PTPN3: variants seen among roughly 807,000 people sequenced by gnomAD.
PTPN3 encodes the protein protein tyrosine phosphatase non-receptor type 3, also known as tyrosine-protein phosphatase non-receptor type 3.
A neutral mutation model predicts 132.7 loss-of-function variants in PTPN3; 96 were observed. That is an observed-to-expected ratio of 0.72 (90% CI 0.61 to 0.86). The LOEUF is 0.86. Among genes scored for constraint, PTPN3 ranks in the 40% least tolerant of loss-of-function variants. PTPN3 has a pLI of 0.00. For synonymous variants in PTPN3, 398 were observed against 429.0 expected (o/e 0.93, Z 0.89); for missense variants, 1,125 against 1,159.6 (o/e 0.97, Z 0.43).
At chr9:109,531,095 G>A in the PTPN3 span, among the ~76,000 whole-genome samples, 1 of 152,186 alleles carries the variant, frequency 6.6e-6, no homozygotes, top group African/African-American at 2.4e-5. Flanking sequence ...GTCTATTTTG[G>A]CTTTTGTTGC....
At chr9:109,485,233 C>T (rs1847152689) in intron 1 of PTPN3, among the ~76,000 whole-genome samples, 3 of 151,398 alleles carry the variant, frequency 2.0e-5, no homozygotes, top group Non-Finnish European at 4.4e-5. Flanking sequence ...GTCGGCCGGG[C>T]GCGGTGGCTC....
intron 1 of PTPN3, among the ~76,000 whole-genome samples, chr9:109,468,861 G>A (rs887074093): frequency 2.0e-5 from 3 of 152,222 alleles, no homozygotes; most frequent in Non-Finnish European, 4.4e-5. Flanking sequence ...ATGCCATTGG[G>A]TGCTGTCTAC....
At chr9:109,490,565 C>G (rs1426412639) in intron 1 of PTPN3, among the ~76,000 whole-genome samples, 3 of 151,980 alleles carry the variant, frequency 2.0e-5, no homozygotes, top group Non-Finnish European at 4.4e-5. Flanking sequence ...CGGAGAAATC[C>G]CGTCTCTACT....
chr9:109,510,556 C>T, the PTPN3 span, among the ~76,000 whole-genome samples: 1 of 23,954 alleles, frequency 4.2e-5, no homozygotes, highest in African/African-American at 2.0e-4. Context: ...GAAACTTTGT[C>T]TTAAAAAAAA....
intron 19 of PTPN3, among the ~76,000 whole-genome samples, chr9:109,394,586 G>C (rs1398829960): frequency 6.6e-6 from 1 of 151,980 alleles, no homozygotes; most frequent in Non-Finnish European, 1.5e-5. Flanking sequence ...GGGACTACAG[G>C]CATGTGCCAC....
At chr9:109,537,656 T>C in the PTPN3 span, among the ~76,000 whole-genome samples, 1,350 of 152,362 alleles carry the variant, frequency 8.9e-3, 15 homozygotes, top group African/African-American at 0.031. Flanking sequence ...TCCAGATCAC[T>C]TCCTGACACG....
intron 9 of PTPN3, among the ~76,000 whole-genome samples, chr9:109,434,387 C>A (rs1843878262): frequency 1.4e-5 from 2 of 148,096 alleles, no homozygotes; most frequent in African/African-American, 5.0e-5. Context: ...TGGCTCACTG[C>A]AGCCTCAACC....
chr9:109,394,587 C>A (rs1840407866), intron 19 of PTPN3, among the ~76,000 whole-genome samples: 1 of 151,990 alleles, frequency 6.6e-6, no homozygotes, highest in South Asian at 2.1e-4. Context: ...GGACTACAGG[C>A]ATGTGCCACC....
At chr9:109,441,570 T>C (rs931525674) in intron 7 of PTPN3, among the ~76,000 whole-genome samples, 1 of 152,172 alleles carries the variant, frequency 6.6e-6, no homozygotes, top group South Asian at 2.1e-4. Flanking sequence ...GTGTGTTTTA[T>C]CCATCTGTGC....
At chr9:109,455,936 A>G (rs1845537328) in intron 4 of PTPN3, among the ~76,000 whole-genome samples, 1 of 152,218 alleles carries the variant, frequency 6.6e-6, no homozygotes, top group African/African-American at 2.4e-5. Flanking sequence ...GACAACACCT[A>G]TTCATGCCTT....
chr9:109,441,116 T>TG (rs1399196136), intron 7 of PTPN3, among the ~76,000 whole-genome samples: 1 of 152,214 alleles, frequency 6.6e-6, no homozygotes, highest in African/African-American at 2.4e-5. Context: ...CCATAGTCCC[T>TG]GCTCTTACCT....
At chr9:109,465,173 G>T (rs1010628009) in intron 1 of PTPN3, among the ~76,000 whole-genome samples, 7 of 152,210 alleles carry the variant, frequency 4.6e-5, no homozygotes, top group Non-Finnish European at 1.5e-5. Context: ...TAAGGAAACT[G>T]GTTTAACCGG....
chr9:109,420,273 G>T, intron 14 of PTPN3, 151 bp downstream of exon 14: 2 of 764,584 alleles, frequency 2.6e-6, no homozygotes, highest in Non-Finnish European at 4.0e-6. Flanking sequence ...GGTAGAGTCT[G>T]ATTTATGTTC....
At chr9:109,443,687 C>A (rs1844650193) in intron 7 of PTPN3, among the ~76,000 whole-genome samples, 1 of 152,166 alleles carries the variant, frequency 6.6e-6, no homozygotes, top group South Asian at 2.1e-4. Context: ...CATAAGAATA[C>A]AAACTGGTGA....
At chr9:109,443,798 T>C (rs911294123) in intron 7 of PTPN3, among the ~76,000 whole-genome samples, 6 of 152,206 alleles carry the variant, frequency 3.9e-5, no homozygotes, top group Non-Finnish European at 7.3e-5. Context: ...TTCGCCTGTT[T>C]TGAGTTTCCC....
chr9:109,448,462 G>T (rs145752820), intron 6 of PTPN3, among the ~76,000 whole-genome samples: 1 of 152,244 alleles, frequency 6.6e-6, no homozygotes, highest in East Asian at 1.9e-4. Context: ...GTACTAAGGG[G>T]CTCAAAAGTG....
At chr9:109,504,546 A>G in the PTPN3 span, among the ~76,000 whole-genome samples, 2 of 152,236 alleles carry the variant, frequency 1.3e-5, no homozygotes, top group Non-Finnish European at 2.9e-5. Context: ...TAATATTATC[A>G]TAGAGATGGA....
chr9:109,530,475 G>T, the PTPN3 span, among the ~76,000 whole-genome samples: 1 of 152,154 alleles, frequency 6.6e-6, no homozygotes, highest in African/African-American at 2.4e-5. Context: ...CTGTTGGTAG[G>T]CACTCGGGTT....
In PTPN3 at chr9:109,389,346, A is replaced by C. The variant is rs1839868305; in HGVS notation, c.2140T>G (p.Tyr714Asp). The C allele has an allele frequency of 1.2e-6, 2 of 1,613,788 alleles. No homozygotes were observed. The highest frequency in any genetic ancestry group is 8.5e-7 in the Non-Finnish European group (1 of 1,179,922). The change falls in exon 22 of 26, where the codon TAC (tyrosine) becomes GAC (aspartate). Residue 714 changes from tyrosine to aspartate, a missense_variant. Coordinates refer to ENST00000374541, the MANE Select transcript of PTPN3 (RefSeq NM_002829.4). ...GGCAGGGGCCCCTGAGTGGCGATGT[A>C]CTTGTTCACAAGGTTAGCAGCAGGA... ...EIPAANLVNK[Y>D]IATQGPLPHT...
Sources: allele counts gnomAD v4.1 joint callset (sites outside exome capture counted in the v4.1 genomes callset), GRCh38; gene constraint gnomAD v4.1.1; transcripts MANE v1.5; gene names NCBI Gene and HGNC (gene_info 2026-07-23, HGNC 2026-07-21).